The following EPHA8 variants were observed in gnomAD, a reference collection of about 807,000 sequenced individuals.
EPHA8 encodes EPH receptor A8.
In EPHA8, 58 loss-of-function variants were observed where a neutral mutation model predicts 103.6. The ratio of observed to expected loss-of-function variants is 0.56; its 90% CI spans 0.45 to 0.70. The LOEUF is 0.70. EPHA8 is among the 30% of genes least tolerant of loss of function. The pLI, the probability that EPHA8 is intolerant of heterozygous loss-of-function variation, is 0.00. For synonymous variants in EPHA8, 559 were observed against 572.5 expected (o/e 0.98, Z 0.34); for missense variants, 1,304 against 1,395.2 (o/e 0.93, Z 1.04).
chr1:22,569,177 T>G lies in EPHA8; in HGVS notation c.95-112T>G. On this transcript the variant is annotated intron_variant, in intron 1 of 16. Transcript: ENST00000166244. This position sits in a 1 kb window ranked among gnomAD's most constrained non-coding sequence, Gnocchi z 4.5. ...GGGCATTCAGGCAGAGGGACCCGTG[T>G]GAGCTGTGTGCTGGGGGCTGAGTGT... is the stretch of plus-strand genomic sequence containing the variant. 23 of 996,452 alleles carry G rather than the reference T, an allele frequency of 2.3e-5. No homozygotes were observed. Among genetic ancestry groups the G allele is most frequent in the Non-Finnish European group, 3.3e-5 (21 of 640,382 alleles). 61.7% of individuals were successfully genotyped at this position (996,452 alleles called of 1,614,324 possible).
At chr1:22,585,042 T>TGCGC (rs1641155365) in intron 3 of EPHA8, among the ~76,000 whole-genome samples, 2 of 118,772 alleles carry the variant, frequency 1.7e-5, no homozygotes, top group African/African-American at 8.9e-5. Context: ...TGTGTGTGTG[T>TGCGC]GTGTGTGTGC....
At chr1:22,599,135 T>G in intron 13 of EPHA8, 88 bp downstream of exon 13, 3 of 1,406,584 alleles carry the variant, frequency 2.1e-6, no homozygotes, top group Non-Finnish European at 2.9e-6. Flanking sequence ...TGCAAGTAGC[T>G]GAATGAAGTT....
chr1:22,566,888 G>T (rs1449136231), intron 1 of EPHA8, among the ~76,000 whole-genome samples: 1 of 152,192 alleles, frequency 6.6e-6, no homozygotes, highest in Non-Finnish European at 1.5e-5. Context: ...TGGGGACAGA[G>T]GAAGAGGAGG....
chr1:22,596,040 TG>T, intron 8 of EPHA8, 65 bp from the exon 9 acceptor site: 1 of 1,479,032 alleles, frequency 6.8e-7, no homozygotes, highest in Non-Finnish European at 9.4e-7. Context: ...ACTCGTTCCC[TG>T]GTTGGGGTCA....
rs115727853 is a variant in EPHA8 at position 22,579,794 on chromosome 1, C to G, written c.823+2914C>G. 7.8e-3 allele frequency among the ~76,000 whole-genome samples: 1,180 copies of G among 152,248 alleles called. 11 individuals are homozygous for G. The highest frequency in any genetic ancestry group is 0.027 in the African/African-American group (1,112 of 41,522). On this transcript the variant is annotated intron_variant, in intron 3 of 16. Coordinates refer to ENST00000166244, the MANE Select transcript of EPHA8 (RefSeq NM_020526.5). ...AGAGACAAGAGCCTGTCCCCAGATACCCTTAGTGAAAACTGGAACGGGGCC... is the reference window on the plus strand; with the variant it reads ...AGAGACAAGAGCCTGTCCCCAGATAGCCTTAGTGAAAACTGGAACGGGGCC...
Position 22,576,271 on chromosome 1 carries a change from G to C in EPHA8, c.214G>C (p.Val72Leu). ...ESFQPIHTYQ[V>L]CNVMSPNQNN... ...CTTCCAGCCCATCCACACGTACCAG[G>C]TTTGCAACGTCATGAGCCCCAACCA... The change falls in exon 3 of 17, where the codon GTT (valine) becomes CTT (leucine). Residue 72 changes from valine to leucine, a missense_variant. Coordinates refer to ENST00000166244, the MANE Select transcript of EPHA8 (RefSeq NM_020526.5). The surrounding 1 kb of genome is among the most constrained non-coding windows in gnomAD (Gnocchi z 4.8). The C allele has an allele frequency of 6.2e-7, 1 of 1,613,848 alleles. No homozygotes were observed.
chr1:22,586,835 C>T (rs1350211881), intron 4 of EPHA8, among the ~76,000 whole-genome samples, 200 bp downstream of exon 4: 1 of 152,202 alleles, frequency 6.6e-6, no homozygotes, highest in Non-Finnish European at 1.5e-5. Context: ...GGGCTCCCAG[C>T]CTCTGTCCTG....
At chr1:22,592,883 A>G (rs1388304491) in intron 5 of EPHA8, among the ~76,000 whole-genome samples, 1 of 152,066 alleles carries the variant, frequency 6.6e-6, no homozygotes, top group Non-Finnish European at 1.5e-5. Flanking sequence ...CTGGGAGAAT[A>G]CTTGGGGCTC....
chr1:22,592,579 C>T (rs939859694), intron 5 of EPHA8, among the ~76,000 whole-genome samples: 1 of 152,186 alleles, frequency 6.6e-6, no homozygotes, highest in South Asian at 2.1e-4. Context: ...GCAGTCCCTG[C>T]CCCCAGGGAG....
intron 8 of EPHA8, 63 bp downstream of exon 8, chr1:22,595,386 C>T (rs1486775291): frequency 8.5e-6 from 12 of 1,406,724 alleles, no homozygotes; most frequent in South Asian, 1.2e-5. Flanking sequence ...CCTGCCTGCC[C>T]CCAGCCCCAC....
At chr1:22,586,784 G>T in intron 4 of EPHA8, 149 bp downstream of exon 4, 1 of 1,016,600 alleles carries the variant, frequency 9.8e-7, no homozygotes. Context: ...CTGAGGTGGG[G>T]GGGGTGACTC....
In EPHA8 at chr1:22,595,357, C is replaced by G. The variant is rs1641489547; in HGVS notation, c.1697+34C>G. Reference sequence around the variant, plus strand: ...TCTGGCCCAGCCACACCCAGCCCCTCCTCTCAAGCACCGTACCTCCTGCCT... The same window carrying G: ...TCTGGCCCAGCCACACCCAGCCCCTGCTCTCAAGCACCGTACCTCCTGCCT... On this transcript the variant is annotated intron_variant, in intron 8 of 16. Transcript: ENST00000166244. The G allele has an allele frequency of 1.9e-6, 3 of 1,582,712 alleles. No individual in the cohort carries two copies. In the East Asian group the frequency reaches 6.7e-5, roughly 36 times the overall value.
At chr1:22,581,759 G>A (rs953898022) in intron 3 of EPHA8, among the ~76,000 whole-genome samples, 6 of 152,196 alleles carry the variant, frequency 3.9e-5, no homozygotes, top group Admixed American at 3.3e-4. Context: ...ATAATACAAC[G>A]TAATTATGCC....
In EPHA8 at chr1:22,589,238, T is replaced by C. The variant is rs1166134764; in HGVS notation, c.1315+32T>C. On this transcript the variant is annotated intron_variant, in intron 5 of 16. Transcript: ENST00000166244. The surrounding 1 kb of genome is among the most constrained non-coding windows in gnomAD (Gnocchi z 4.3). ...GGAGAAACTCCGTCCCGCAGCGTCC[T>C]GGTCCCCCAGCTTCCCCTGCCTCAG... The C allele has an allele frequency of 2.6e-5, 42 of 1,614,024 alleles. No homozygotes were observed. The highest frequency in any genetic ancestry group is 3.5e-5 in the Non-Finnish European group (41 of 1,180,016).
chr1:22,600,525 C>T, intron 13 of EPHA8, 136 bp from the exon 14 acceptor site: 1 of 1,218,676 alleles, frequency 8.2e-7, no homozygotes, highest in Non-Finnish European at 1.1e-6. Context: ...AGGACAGGTG[C>T]TCTGGGACGG....
At chr1:22,592,212 G>A (rs901060424) in intron 5 of EPHA8, among the ~76,000 whole-genome samples, 3 of 151,968 alleles carry the variant, frequency 2.0e-5, no homozygotes, top group East Asian at 3.9e-4. Context: ...TTCCCCTCCC[G>A]CTCTGGGCCC....
At position 22,586,782 on chromosome 1, in the gene EPHA8, G is replaced by GGGT. The variant is rs1641223904; in HGVS notation, c.979+149_979+150insTGG. On this transcript the variant is annotated intron_variant, in intron 4 of 16. Coordinates refer to ENST00000166244, the MANE Select transcript of EPHA8 (RefSeq NM_020526.5). ...TTGAGCCAGAGGCCAGTCTGAGGTG[G>GGGT]GGGGGGTGACTCTGATCCCTCCACG... 9.2e-6 allele frequency: 9 copies of GGGT among 976,550 alleles called. No individual in the cohort carries two copies. In the East Asian group the frequency reaches 1.1e-4, roughly 12 times the overall value. The allele number at this position is 976,550 out of a possible 1,614,324, so 60.5% of individuals were successfully genotyped here.
chr1:22,600,206 G>A (rs1292848186), intron 13 of EPHA8, among the ~76,000 whole-genome samples: 3 of 131,702 alleles, frequency 2.3e-5, no homozygotes, highest in African/African-American at 9.1e-5. Flanking sequence ...AGGAGGGAGG[G>A]AGGAAGGTGG....
At chr1:22,585,057 G>A (rs1208176261) in intron 3 of EPHA8, among the ~76,000 whole-genome samples, 5 of 150,724 alleles carry the variant, frequency 3.3e-5, no homozygotes, top group Admixed American at 6.6e-5. Context: ...GTGTGCGCAC[G>A]CGTGTGTCTA....
Sources: gnomAD v4.1 joint callset for allele counts (sites outside exome capture counted in the v4.1 genomes callset) on GRCh38, gnomAD v4.1.1 for gene constraint, Gnocchi (gnomAD v3.1) non-coding constraint, MANE v1.5 for transcripts, NCBI Gene and HGNC (gene_info 2026-07-23, HGNC 2026-07-21) for gene names.